AUTS2: variants seen among roughly 807,000 people sequenced by gnomAD.
The protein encoded by AUTS2 is autism susceptibility gene 2 protein.
A neutral mutation model predicts 112.4 loss-of-function variants in AUTS2; 17 were observed. The ratio of observed to expected loss-of-function variants is 0.15; its 90% CI spans 0.10 to 0.23. The LOEUF (loss-of-function observed/expected upper bound fraction) is 0.23, where lower values mean the gene tolerates loss of function less well. Ranked by LOEUF, AUTS2 falls within the 10% of genes least tolerant of loss-of-function variation. The pLI is 1.00. For missense variants in AUTS2, 1,510 were observed against 1,701.6 expected (o/e 0.89, Z 1.98); for synonymous variants, 751 against 702.7 (o/e 1.07, Z -1.09).
At chr7:70,362,995 A>G (rs1251749983) in intron 4 of AUTS2, among the ~76,000 whole-genome samples, 1 of 152,226 alleles carries the variant, frequency 6.6e-6, no homozygotes, top group Non-Finnish European at 1.5e-5. Flanking sequence ...CTTAGAATTA[A>G]AGGAACAGAA....
intron 4 of AUTS2, among the ~76,000 whole-genome samples, chr7:70,239,563 G>A (rs1007548299): frequency 6.6e-6 from 1 of 152,124 alleles, no homozygotes; most frequent in Non-Finnish European, 1.5e-5. Context: ...AGCCTCCTGA[G>A]TAGCTGAAAT....
intron 1 of AUTS2, among the ~76,000 whole-genome samples, chr7:69,834,946 T>C (rs764029782): frequency 9.2e-5 from 14 of 152,094 alleles, no homozygotes; most frequent in African/African-American, 2.9e-4. Flanking sequence ...TTTCCATTCA[T>C]GCCTTTCCTC....
At chr7:69,636,827 G>A (rs1041215223) in intron 1 of AUTS2, among the ~76,000 whole-genome samples, 1 of 151,896 alleles carries the variant, frequency 6.6e-6, no homozygotes, top group Non-Finnish European at 1.5e-5. Flanking sequence ...GTACAGTGGC[G>A]CGATCTCGGC....
intron 4 of AUTS2, among the ~76,000 whole-genome samples, chr7:70,377,521 T>C (rs1793167582): frequency 6.6e-6 from 1 of 150,730 alleles, no homozygotes; most frequent in African/African-American, 2.4e-5. Flanking sequence ...AAATGTATAG[T>C]TTAATGGCAT....
chr7:69,603,278 A>G (rs1792534146), intron 1 of AUTS2, among the ~76,000 whole-genome samples: 3 of 152,182 alleles, frequency 2.0e-5, no homozygotes, highest in Non-Finnish European at 4.4e-5. Flanking sequence ...TGGACACATT[A>G]TTTGACTCCA....
chr7:70,427,154 A>G (rs1342199290), intron 4 of AUTS2, among the ~76,000 whole-genome samples: 9 of 152,218 alleles, frequency 5.9e-5, no homozygotes, highest in Admixed American at 5.9e-4. Flanking sequence ...GCTTCACACC[A>G]TCTTCAAAGT....
chr7:70,049,170 G>GGACTTATAGGCT (rs1275142112), intron 2 of AUTS2, among the ~76,000 whole-genome samples: 1 of 152,022 alleles, frequency 6.6e-6, no homozygotes, highest in Admixed American at 6.6e-5. Context: ...CCTTGCTGTT[G>GGACTTATAGGCT]GACTTATAGG....
At chr7:69,992,093 C>T (rs79605394) in intron 2 of AUTS2, among the ~76,000 whole-genome samples, 6,463 of 152,266 alleles carry the variant, frequency 0.042, 157 homozygotes, top group Middle Eastern at 0.068. Context: ...TTGGGCATAT[C>T]GTCTTCATGA....
Position 69,602,766 on chromosome 7 carries a change from T to G in AUTS2, c.309+2804T>G, listed in dbSNP as rs902311208. Among the ~76,000 whole-genome samples the G allele has an allele frequency of 3.3e-5, 5 of 152,238 alleles. No individual in the cohort carries two copies. In the East Asian group the frequency reaches 9.6e-4, roughly 29 times the overall value. ...TGTAGGGAAGCCGTAAATACATTTG[T>G]CAGATTAAAAACACACAATGGGAAA... On this transcript the variant is annotated intron_variant, in intron 1 of 18. Transcript: ENST00000342771.
chr7:70,625,311 G>A (rs899806395), intron 5 of AUTS2, among the ~76,000 whole-genome samples: 17 of 152,182 alleles, frequency 1.1e-4, no homozygotes, highest in Non-Finnish European at 2.4e-4. Context: ...AGGAATGAAT[G>A]AATGAGTGTG....
At chr7:70,703,558 CTG>C (rs1409258045) in intron 6 of AUTS2, among the ~76,000 whole-genome samples, 1 of 147,800 alleles carries the variant, frequency 6.8e-6, no homozygotes, top group African/African-American at 2.5e-5. Context: ...ATGCAGTTGA[CTG>C]TGGAATAGCT....
chr7:69,626,389 G>A (rs1208176184), intron 1 of AUTS2, among the ~76,000 whole-genome samples: 4 of 151,614 alleles, frequency 2.6e-5, no homozygotes, highest in Non-Finnish European at 5.9e-5. Flanking sequence ...CTTAAACCCC[G>A]CCTGGTTGCC....
chr7:70,443,652 C>G (rs1306943649), intron 5 of AUTS2, among the ~76,000 whole-genome samples: 3 of 152,214 alleles, frequency 2.0e-5, no homozygotes, highest in Admixed American at 6.5e-5. Context: ...AGGAAACTTA[C>G]ATACAGACCT....
At chr7:69,996,381 T>C (rs1798943096) in intron 2 of AUTS2, among the ~76,000 whole-genome samples, 1 of 152,176 alleles carries the variant, frequency 6.6e-6, no homozygotes, top group Admixed American at 6.5e-5. Flanking sequence ...TCTGCGTGGA[T>C]TGCATCCTGT....
At chr7:70,128,818 C>T (rs1284987678) in intron 3 of AUTS2, among the ~76,000 whole-genome samples, 1 of 152,140 alleles carries the variant, frequency 6.6e-6, no homozygotes, top group South Asian at 2.1e-4. Context: ...GGGCTATGTA[C>T]CCTCTGCAGG....
chr7:70,395,200 G>A (rs1489006626), intron 4 of AUTS2, among the ~76,000 whole-genome samples: 1 of 151,318 alleles, frequency 6.6e-6, no homozygotes, highest in Non-Finnish European at 1.5e-5. Context: ...ATAATCACTG[G>A]ATTGATAATC....
At chr7:70,122,169 C>A (rs1292039688) in intron 3 of AUTS2, among the ~76,000 whole-genome samples, 2 of 152,000 alleles carry the variant, frequency 1.3e-5, no homozygotes, top group African/African-American at 2.4e-5. Flanking sequence ...ATAGAACTTA[C>A]CAGGAATTTG....
intron 1 of AUTS2, among the ~76,000 whole-genome samples, chr7:69,623,381 ATTTTT>A (rs56204810): frequency 1.5e-3 from 109 of 71,944 alleles, no homozygotes; most frequent in African/African-American, 5.1e-3. Flanking sequence ...ACGCCCAGCA[ATTTTT>A]TTTTTTTTTT....
At position 70,085,514 on chromosome 7, in the gene AUTS2, C is replaced by T. The variant is rs537351531; in HGVS notation, c.523-32618C>T. 2.6e-5 allele frequency among the ~76,000 whole-genome samples: 4 copies of T among 151,996 alleles called. No homozygotes were observed. In the South Asian group the frequency reaches 6.2e-4, roughly 24 times the overall value. The stretch of plus-strand genomic sequence containing the variant: ...CTGAGTAGCTGGAATTACAGGTGCC[C>T]GCCACCACACCCAGCTAATTTTTGT... On this transcript the variant is annotated intron_variant, in intron 2 of 18. Transcript: ENST00000342771.
Sources: allele counts gnomAD v4.1 joint callset (sites outside exome capture counted in the v4.1 genomes callset), GRCh38; gene constraint gnomAD v4.1.1; transcripts MANE v1.5; gene names NCBI Gene and HGNC (gene_info 2026-07-23, HGNC 2026-07-21).